Variants in DAB2IP observed in about 807,000 individuals in gnomAD.
DAB2IP encodes the protein disabled homolog 2-interacting protein.
In DAB2IP, 28 loss-of-function variants were observed where a neutral mutation model predicts 107.2. The observed-to-expected ratio is 0.26, with a 90% CI of 0.19 to 0.36. The LOEUF (loss-of-function observed/expected upper bound fraction) is 0.36. DAB2IP is among the 10% of genes least tolerant of loss of function. The pLI is 1.00. For missense variants in DAB2IP, 1,400 were observed against 1,644.7 expected (o/e 0.85, Z 2.57); for synonymous variants, 755 against 706.4 (o/e 1.07, Z -1.09).
exon 16 of DAB2IP, chr9:121,783,722 C>T (rs565694222): frequency 7.0e-5 from 60 of 861,424 alleles, no homozygotes; most frequent in African/African-American, 5.5e-4. Context: ...TCCCGGCCCC[C>T]GGCCAAGGAC....
Position 121,699,489 on chromosome 9 carries a change from C to T in DAB2IP, c.362+31C>T. The T allele has an allele frequency of 7.9e-7, 1 of 1,263,364 alleles. No homozygotes were observed. Among genetic ancestry groups the T allele is most frequent in the Non-Finnish European group, 1.0e-6 (1 of 1,001,352 alleles). 78.3% of individuals were successfully genotyped at this position (1,263,364 alleles called of 1,614,324 possible). A position where few individuals can be genotyped will look rare whatever the true frequency, so the allele number is the denominator to read the frequency against. ...CCCGCCGCCGCCGCCCGGTCCCCCGCGCCGCCGCCCCGGGCTGCGCCCCTG... is the reference window on the plus strand; with the variant it reads ...CCCGCCGCCGCCGCCCGGTCCCCCGTGCCGCCGCCCCGGGCTGCGCCCCTG... On this transcript the variant is annotated intron_variant, in intron 3 of 15. Transcript: ENST00000408936. This position sits in a 1 kb window ranked among gnomAD's most constrained non-coding sequence, Gnocchi z 6.2.
chr9:121,576,758 G>A (rs111460027), intron 1 of DAB2IP, among the ~76,000 whole-genome samples: 3 of 152,174 alleles, frequency 2.0e-5, no homozygotes, highest in African/African-American at 2.4e-5. Context: ...AGATTCTGGG[G>A]GGGGAGGGGA....
At chr9:121,641,113 A>G (rs1048678453) in intron 1 of DAB2IP, among the ~76,000 whole-genome samples, 1 of 152,214 alleles carries the variant, frequency 6.6e-6, no homozygotes, top group Admixed American at 6.5e-5. Context: ...GATGACCTTG[A>G]ACTTGTTTTT....
At chr9:121,742,274 A>T (rs1414423799) in intron 3 of DAB2IP, among the ~76,000 whole-genome samples, 1 of 152,238 alleles carries the variant, frequency 6.6e-6, no homozygotes, top group African/African-American at 2.4e-5. Context: ...CTAAAAAAAT[A>T]CAAAATTAGC....
At chr9:121,622,915 C>T (rs1831522577) in intron 1 of DAB2IP, among the ~76,000 whole-genome samples, 1 of 152,120 alleles carries the variant, frequency 6.6e-6, no homozygotes, top group Non-Finnish European at 1.5e-5. Flanking sequence ...TGGGCTTTGA[C>T]TTACTTTGAT....
chr9:121,674,670 G>T (rs551840664), intron 1 of DAB2IP, among the ~76,000 whole-genome samples: 2 of 152,092 alleles, frequency 1.3e-5, no homozygotes, highest in African/African-American at 4.8e-5. Flanking sequence ...ATCATCTGTC[G>T]AATGGGAGAT....
chr9:121,747,360 TCCCC>T (rs1832787403), intron 3 of DAB2IP, among the ~76,000 whole-genome samples: 5 of 148,954 alleles, frequency 3.4e-5, no homozygotes, highest in African/African-American at 1.0e-4. Flanking sequence ...TTTTTTTTTT[TCCCC>T]TGAGACAGAG....
intron 1 of DAB2IP, among the ~76,000 whole-genome samples, chr9:121,669,222 G>A (rs768209136): frequency 9.2e-5 from 14 of 152,066 alleles, no homozygotes; most frequent in Non-Finnish European, 1.3e-4. Context: ...GTGAGCTACC[G>A]CGCCCAGCCA....
At chr9:121,704,773 T>C (rs1002894105) in intron 3 of DAB2IP, among the ~76,000 whole-genome samples, 7 of 152,206 alleles carry the variant, frequency 4.6e-5, no homozygotes, top group African/African-American at 1.7e-4. Flanking sequence ...ATGCCCTGTA[T>C]TTACACAGCA....
intron 1 of DAB2IP, among the ~76,000 whole-genome samples, chr9:121,637,674 C>T (rs530366804): frequency 3.1e-4 from 47 of 152,294 alleles, no homozygotes; most frequent in South Asian, 1.5e-3. Context: ...TGGAATTCCG[C>T]GTTGCCTGCC....
intron 1 of DAB2IP, among the ~76,000 whole-genome samples, chr9:121,620,984 C>T (rs749703833): frequency 1.3e-5 from 2 of 152,220 alleles, no homozygotes; most frequent in South Asian, 2.1e-4. Flanking sequence ...CTTCCTCTCT[C>T]GCATTCACCT....
chr9:121,784,388 T>TAC (rs1835862781), exon 16 of DAB2IP: 1 of 153,180 alleles, frequency 6.5e-6, no homozygotes, highest in Admixed American at 6.5e-5. Context: ...CGCTGCCTCG[T>TAC]AGAGTGACCT....
chr9:121,759,905 G>A, exon 6 of DAB2IP: 1 of 1,613,832 alleles, frequency 6.2e-7, no homozygotes, highest in South Asian at 1.1e-5. Context: ...GGCGTGTGGA[G>A]CACATCCTGA....
chr9:121,605,316 G>T (rs184521214), intron 1 of DAB2IP, among the ~76,000 whole-genome samples: 1 of 152,174 alleles, frequency 6.6e-6, no homozygotes, highest in Admixed American at 6.5e-5. Context: ...ACCATGCCCG[G>T]TCCCATCATT....
At chr9:121,607,314 A>AT (rs1289705022) in intron 1 of DAB2IP, among the ~76,000 whole-genome samples, 1 of 150,226 alleles carries the variant, frequency 6.7e-6, no homozygotes, top group Admixed American at 6.6e-5. Context: ...GGTTTTTCTT[A>AT]TTTTTTTGAG....
chr9:121,720,129 C>T (rs753473535), intron 3 of DAB2IP, among the ~76,000 whole-genome samples: 3 of 152,246 alleles, frequency 2.0e-5, no homozygotes, highest in Non-Finnish European at 4.4e-5. Context: ...TGTTGCCCAG[C>T]AGCCAAAAGG....
In DAB2IP at chr9:121,745,218, C is replaced by T. The variant is rs1242767869; in HGVS notation, c.363-11795C>T. The stretch of plus-strand genomic sequence containing the variant: ...GGTCAGAGGTGCAGAGACAGCCCTA[C>T]GTGCCCTTCCCAGGTATGTGGGCTC... On this transcript the variant is annotated intron_variant, in intron 3 of 15. Transcript: ENST00000408936. 1.1e-4 allele frequency among the ~76,000 whole-genome samples: 17 copies of T among 152,310 alleles called. 1 individual carries two copies. The highest frequency in any genetic ancestry group is 3.1e-4 in the African/African-American group (13 of 41,560).
At chr9:121,664,939 C>T (rs868405863) in intron 1 of DAB2IP, among the ~76,000 whole-genome samples, 2 of 152,190 alleles carry the variant, frequency 1.3e-5, no homozygotes, top group Non-Finnish European at 2.9e-5. Flanking sequence ...ATCTTATATA[C>T]AGTCTGAGTC....
At chr9:121,709,470 T>C (rs1047817825) in intron 3 of DAB2IP, among the ~76,000 whole-genome samples, 1 of 152,162 alleles carries the variant, frequency 6.6e-6, no homozygotes, top group Non-Finnish European at 1.5e-5. Flanking sequence ...CTATAGCCCT[T>C]TGAAGGATAC....
Sources: allele counts gnomAD v4.1 joint callset (sites outside exome capture counted in the v4.1 genomes callset), GRCh38; gene constraint gnomAD v4.1.1; non-coding constraint Gnocchi (gnomAD v3.1); transcripts MANE v1.5; gene names NCBI Gene and HGNC (gene_info 2026-07-23, HGNC 2026-07-21).